SCIN: variants seen among roughly 807,000 people sequenced by gnomAD.
SCIN encodes adseverin.
In SCIN, 91 loss-of-function variants were observed where a neutral mutation model predicts 91.8. The observed-to-expected ratio is 0.99, with a 90% CI of 0.84 to 1.18. The LOEUF (loss-of-function observed/expected upper bound fraction) is 1.18, where lower values mean the gene tolerates loss of function less well. SCIN is among the 50% of genes most tolerant of loss of function. SCIN has a pLI of 0.00. For synonymous variants in SCIN, 367 were observed against 312.6 expected, an observed-to-expected ratio of 1.17 and a Z score of -1.84; for missense variants, 1,087 against 863.9, an observed-to-expected ratio of 1.26 and a Z score of -3.24.
chr7:12,592,967 C>T (rs1451439559), intron 3 of SCIN, among the ~76,000 whole-genome samples: 1 of 152,210 alleles, frequency 6.6e-6, no homozygotes, highest in Non-Finnish European at 1.5e-5. Flanking sequence ...CATCAGTCTT[C>T]AGTGGCTAGG....
At chr7:12,622,154 A>G (rs1386274736) in intron 4 of SCIN, among the ~76,000 whole-genome samples, 2 of 152,002 alleles carry the variant, frequency 1.3e-5, no homozygotes, top group Admixed American at 6.6e-5. Context: ...ATTCAAATGT[A>G]TTTTCTACCA....
chr7:12,572,795 A>C (rs1190504252), intron 1 of SCIN, among the ~76,000 whole-genome samples: 1 of 152,234 alleles, frequency 6.6e-6, no homozygotes, highest in Non-Finnish European at 1.5e-5. Context: ...AGTCAATAAC[A>C]TGTTAATAAC....
At chr7:12,587,671 G>C (rs184103281) in intron 3 of SCIN, among the ~76,000 whole-genome samples, 1 of 152,314 alleles carries the variant, frequency 6.6e-6, no homozygotes, top group East Asian at 1.9e-4. Context: ...TGGCCCAGTG[G>C]CTTGGATGCT....
chr7:12,640,299 C>T (rs369042642), intron 10 of SCIN, 48 bp from the exon 11 acceptor site: 3 of 1,433,776 alleles, frequency 2.1e-6, no homozygotes, highest in African/African-American at 1.5e-5. Context: ...AACCTTCTTT[C>T]ACAGCACTCT....
At chr7:12,573,112 G>A (rs1238898995) in intron 1 of SCIN, among the ~76,000 whole-genome samples, 2 of 152,130 alleles carry the variant, frequency 1.3e-5, no homozygotes, top group African/African-American at 4.8e-5. Flanking sequence ...AGATGGGATT[G>A]CCCAACAGCT....
rs909291823 is a variant in SCIN, at chr7:12,651,492, C to T, written c.1960-349C>T. Among the ~76,000 whole-genome samples the T allele has an allele frequency of 9.9e-5, 15 of 151,512 alleles. No homozygotes were observed. Among genetic ancestry groups the T allele is most frequent in the African/African-American group, 3.2e-4 (13 of 41,202 alleles). ...GGAGGTGAAATATTTTGGTTTCCTT[C>T]GACTGCTGTCACACCCTAGGGGGTG... On this transcript the variant is annotated intron_variant, in intron 14 of 15. Transcript: ENST00000297029. The surrounding 1 kb of genome is among the most constrained non-coding windows in gnomAD (Gnocchi z 5.9).
chr7:12,644,646 C>G lies in SCIN; in HGVS notation c.1822C>G (p.Gln608Glu), dbSNP rs1380623004. The change falls in exon 13 of 16, where the codon CAG becomes GAG. Residue 608 changes from glutamine to glutamate, a missense_variant. Coordinates refer to ENST00000297029, the MANE Select transcript of SCIN (RefSeq NM_001112706.3). ...CCAGACCTCACCACTACTGGAAACC[C>G]AGGCTGAAGACCATCCACCTCGGCT... is the stretch of plus-strand genomic sequence containing the variant. ...DYQTSPLLETQAEDHPPRLYG... is the reference protein window; with the variant it reads ...DYQTSPLLETEAEDHPPRLYG... The G allele has an allele frequency of 6.2e-7, 1 of 1,602,638 alleles. No homozygotes were observed. Among genetic ancestry groups the G allele is most frequent in the African/African-American group, 1.3e-5 (1 of 74,722 alleles).
At chr7:12,608,489 A>T (rs1170208848) in intron 4 of SCIN, among the ~76,000 whole-genome samples, 2 of 152,016 alleles carry the variant, frequency 1.3e-5, no homozygotes, top group Non-Finnish European at 2.9e-5. Flanking sequence ...TTATTTATTT[A>T]TTTTTTGAGC....
chr7:12,599,415 C>T (rs970650693), intron 3 of SCIN, among the ~76,000 whole-genome samples: 4 of 150,754 alleles, frequency 2.7e-5, no homozygotes, highest in Non-Finnish European at 4.4e-5. Context: ...TTTTCTTTAT[C>T]CACTCATGGA....
intron 14 of SCIN, among the ~76,000 whole-genome samples, chr7:12,650,862 A>G (rs1387284640): frequency 2.0e-5 from 3 of 152,158 alleles, no homozygotes; most frequent in Non-Finnish European, 4.4e-5. Context: ...AAAGGTTCCT[A>G]GAGGGAGTCT....
chr7:12,597,976 C>G (rs1288913528), intron 3 of SCIN, among the ~76,000 whole-genome samples: 1 of 152,070 alleles, frequency 6.6e-6, no homozygotes, highest in Non-Finnish European at 1.5e-5. Flanking sequence ...CTTTTTTAAA[C>G]ATTGCTTCCC....
In SCIN at chr7:12,640,466, A is replaced by G. The variant is rs1326219375; in HGVS notation, c.1530A>G (p.Thr510=). ...KKGGQAPAPP[T]RLFQVRRNLA... Reference sequence around the variant, plus strand: ...GAGGTCAGGCACCTGCTCCCCCTACACGCCTCTTTCAAGTCCGGAGAAACC... The same window carrying G: ...GAGGTCAGGCACCTGCTCCCCCTACGCGCCTCTTTCAAGTCCGGAGAAACC... Residue 510 remains threonine, a synonymous_variant, in exon 11 of 16, where the codon ACA becomes ACG. Transcript: ENST00000297029. The G allele has an allele frequency of 6.2e-7, 1 of 1,613,138 alleles. No individual in the cohort carries two copies. Among genetic ancestry groups the G allele is most frequent in the East Asian group, 2.2e-5 (1 of 44,790 alleles).
Position 12,570,736 on chromosome 7 carries a change from G to GTC in SCIN, c.-50_-49dup. 1 of 1,532,710 alleles carries GTC rather than the reference G, an allele frequency of 6.5e-7. No homozygotes were observed. Among genetic ancestry groups the GTC allele is most frequent in the Non-Finnish European group, 8.8e-7 (1 of 1,135,882 alleles). The allele number at this position is 1,532,710 out of a possible 1,614,324, so 94.9% of individuals were successfully genotyped here. ...GGTTCCTCCTGCTGCTCTCGGTTTA[G>GTC]TCCAAGATCAGCGATATCACGCGTC... On this transcript the variant is annotated 5_prime_UTR_variant, in exon 1 of 16. Transcript: ENST00000297029.
intron 9 of SCIN, among the ~76,000 whole-genome samples, chr7:12,632,218 C>T (rs1273165951): frequency 6.6e-6 from 1 of 151,688 alleles, no homozygotes; most frequent in Non-Finnish European, 1.5e-5. Flanking sequence ...GCAACCTCCG[C>T]CTCCCGGGTT....
intron 4 of SCIN, among the ~76,000 whole-genome samples, chr7:12,610,352 A>C (rs903796883): frequency 6.6e-6 from 1 of 152,230 alleles, no homozygotes; most frequent in Non-Finnish European, 1.5e-5. Context: ...TATCTTTTAG[A>C]GATGTACTCT....
chr7:12,595,558 C>T (rs1782823437), intron 3 of SCIN: 1 of 152,200 alleles, frequency 6.6e-6, no homozygotes, highest in South Asian at 2.1e-4. Context: ...TGTCATCTGG[C>T]TGCTTCTTGC....
At chr7:12,616,997 C>T (rs1783312849) in intron 4 of SCIN, among the ~76,000 whole-genome samples, 1 of 152,068 alleles carries the variant, frequency 6.6e-6, no homozygotes, top group African/African-American at 2.4e-5. Context: ...GACAAAGGTA[C>T]ATTACCAAGA....
intron 1 of SCIN, among the ~76,000 whole-genome samples, chr7:12,573,226 GAGAGAA>G (rs1281633070): frequency 3.9e-5 from 6 of 152,150 alleles, no homozygotes; most frequent in Admixed American, 1.3e-4. Flanking sequence ...GAGACAGATT[GAGAGAA>G]AGTCACAGGA....
intron 10 of SCIN, among the ~76,000 whole-genome samples, chr7:12,640,073 T>C (rs938048379): frequency 6.6e-6 from 1 of 152,164 alleles, no homozygotes; most frequent in Non-Finnish European, 1.5e-5. Flanking sequence ...CTTCATACTT[T>C]TCAAAAACAG....
Sources: gnomAD v4.1 joint callset for allele counts (sites outside exome capture counted in the v4.1 genomes callset) on GRCh38, gnomAD v4.1.1 for gene constraint, Gnocchi (gnomAD v3.1) non-coding constraint, MANE v1.5 for transcripts, NCBI Gene and HGNC (gene_info 2026-07-23, HGNC 2026-07-21) for gene names.